Variants in WASHC4 observed in about 807,000 individuals in gnomAD.
WASHC4 encodes WASH complex subunit 7.
A neutral mutation model predicts 166.6 loss-of-function variants in WASHC4; 86 were observed. The ratio of observed to expected loss-of-function variants is 0.52; its 90% CI spans 0.43 to 0.62. WASHC4 has a LOEUF of 0.62. Among genes scored for constraint, WASHC4 ranks in the 20% least tolerant of loss-of-function variants. WASHC4 has a pLI of 0.00. For synonymous variants in WASHC4, 446 were observed against 451.6 expected (o/e 0.99, Z 0.16); for missense variants, 1,262 against 1,382.4 (o/e 0.91, Z 1.38).
Position 105,146,490 on chromosome 12 carries a change from A to G in WASHC4, c.2373A>G (p.Ile791Met). The G allele has an allele frequency of 6.2e-7, 1 of 1,603,944 alleles. No homozygotes were observed. The highest frequency in any genetic ancestry group is 8.5e-7 in the Non-Finnish European group (1 of 1,171,402). The change falls in exon 23 of 33, where the codon ATA (isoleucine) becomes ATG (methionine). Residue 791 changes from isoleucine (I) to methionine (M), a missense_variant. Coordinates refer to ENST00000332180, the MANE Select transcript of WASHC4 (RefSeq NM_015275.3). ...TAGAAATTATGAGAAACATTCATAT[A>G]TTTGTGTCCCGATACCTCTATAATC... is the stretch of plus-strand genomic sequence containing the variant. Reference protein sequence around the residue: ...DVLEIMRNIHIFVSRYLYNLN... With the variant: ...DVLEIMRNIHMFVSRYLYNLN...
chr12:105,140,831 A>G, intron 16 of WASHC4, 68 bp from the exon 17 acceptor site: 1 of 1,426,616 alleles, frequency 7.0e-7, no homozygotes, highest in Admixed American at 1.7e-5. Flanking sequence ...AAGATAATCA[A>G]GAAGTTTTTC....
At chr12:105,120,020 C>T (rs965282777) in intron 7 of WASHC4, among the ~76,000 whole-genome samples, 1 of 151,954 alleles carries the variant, frequency 6.6e-6, no homozygotes, top group Non-Finnish European at 1.5e-5. Context: ...TAGCTTGAGC[C>T]CAGGAGTTCG....
intron 1 of WASHC4, among the ~76,000 whole-genome samples, chr12:105,109,134 T>C (rs1214451339): frequency 6.6e-6 from 1 of 152,198 alleles, no homozygotes; most frequent in Non-Finnish European, 1.5e-5. Context: ...GTATTAGCTC[T>C]TATGCAGCAT....
At chr12:105,125,164 C>T (rs1448208370) in intron 10 of WASHC4, among the ~76,000 whole-genome samples, 1 of 152,094 alleles carries the variant, frequency 6.6e-6, no homozygotes, top group East Asian at 1.9e-4. Flanking sequence ...CGATTGATCT[C>T]AACTCTTGTT....
rs747482250 is a variant in WASHC4 at position 105,157,249 on chromosome 12, C to G, written c.2839C>G (p.Leu947Val). 6.5e-7 allele frequency: 1 copy of G among 1,529,276 alleles called. No individual in the cohort carries two copies. Among genetic ancestry groups the G allele is most frequent in the Non-Finnish European group, 9.0e-7 (1 of 1,105,788 alleles). 94.7% of individuals were successfully genotyped at this position (1,529,276 alleles called of 1,614,324 possible). A position where few individuals can be genotyped will look rare whatever the true frequency, so the allele number is the denominator to read the frequency against. The change falls in exon 28 of 33, where the codon CTT (leucine) becomes GTT (valine). Residue 947 changes from leucine to valine, a missense_variant. Physicochemically the swap from Leu to Val is conservative, Grantham distance 32 (BLOSUM62 1). Transcript: ENST00000332180. ...ATTCTTATGTAGATTTGTTCCTGAT[C>G]TTGAAGATATTGTAAATTTTGAAGA... is the stretch of plus-strand genomic sequence containing the variant. ...SSNAIRFVPDLEDIVNFEELV... is the reference protein window; with the variant it reads ...SSNAIRFVPDVEDIVNFEELV...
chr12:105,141,764 C>T (rs1181765990), intron 18 of WASHC4, among the ~76,000 whole-genome samples: 1 of 152,038 alleles, frequency 6.6e-6, no homozygotes, highest in Non-Finnish European at 1.5e-5. Context: ...TTTTGGTTTC[C>T]AGCTGAATTA....
At chr12:105,156,027 T>A (rs1355268146) in intron 26 of WASHC4, among the ~76,000 whole-genome samples, 1 of 152,126 alleles carries the variant, frequency 6.6e-6, no homozygotes, top group East Asian at 1.9e-4. Flanking sequence ...GGAGGATATC[T>A]ATGAAGGGGT....
chr12:105,111,038 T>A, intron 1 of WASHC4, 87 bp from the exon 2 acceptor site: 1 of 950,742 alleles, frequency 1.1e-6, no homozygotes, highest in Non-Finnish European at 1.7e-6. Context: ...TAACAGTGCT[T>A]TGCGTGACTT....
Position 105,168,467 on chromosome 12 carries a change from T to C in WASHC4, c.*1536T>C, listed in dbSNP as rs1475987015. 1.3e-5 allele frequency: 2 copies of C among 152,478 alleles called. No individual in the cohort carries two copies. Among genetic ancestry groups the C allele is most frequent in the South Asian group, 4.1e-4 (2 of 4,830 alleles). 9.4% of individuals were successfully genotyped at this position (152,478 alleles called of 1,614,324 possible). A position where few individuals can be genotyped will look rare whatever the true frequency, so the allele number is the denominator to read the frequency against. On this transcript the variant is annotated 3_prime_UTR_variant, in exon 33 of 33. Transcript: ENST00000332180. ...GTGTTTATATTAATGATCTTGCATT[T>C]GATTATATCAAATTCGTCATTTCAT... is the stretch of plus-strand genomic sequence containing the variant.
chr12:105,121,649 A>G (rs898123871), intron 9 of WASHC4, among the ~76,000 whole-genome samples: 23 of 152,134 alleles, frequency 1.5e-4, no homozygotes, highest in African/African-American at 4.6e-4. Flanking sequence ...CTGGGACTAC[A>G]GGCGTGTGCC....
At chr12:105,153,593 C>G (rs965882623) in intron 26 of WASHC4, among the ~76,000 whole-genome samples, 1 of 152,160 alleles carries the variant, frequency 6.6e-6, no homozygotes, top group East Asian at 1.9e-4. Flanking sequence ...CTGAGGAAAA[C>G]TCCAGGATGA....
Position 105,148,238 on chromosome 12 carries a change from A to C in WASHC4, c.2514+1092A>C, listed in dbSNP as rs139950121. 1,261 of 985,268 alleles carry C rather than the reference A, an allele frequency of 1.3e-3. 21 individuals are homozygous for C. The African/African-American group carries it at 0.021, about 16-fold the overall frequency. The allele number at this position is 985,268 out of a possible 1,614,324, so 61.0% of individuals were successfully genotyped here. Reference sequence around the variant, plus strand: ...TATCAATATAGAAATGAAACATACAATTTTAAATTCCAAATGAAGAGTCAT... The same window carrying C: ...TATCAATATAGAAATGAAACATACACTTTTAAATTCCAAATGAAGAGTCAT... On this transcript the variant is annotated intron_variant, in intron 24 of 32. Transcript: ENST00000332180.
chr12:105,168,242 C>G lies in WASHC4; in HGVS notation c.*1311C>G, dbSNP rs1351329610. On this transcript the variant is annotated 3_prime_UTR_variant, in exon 33 of 33. Transcript: ENST00000332180. Reference sequence around the variant, plus strand: ...TTAGGGTCAGGGTAACTTGCCAGCCCAAGATAAATACTTTAATTGTTAAAA... The same window carrying G: ...TTAGGGTCAGGGTAACTTGCCAGCCGAAGATAAATACTTTAATTGTTAAAA... The G allele has an allele frequency of 6.6e-6, 1 of 152,204 alleles. No individual in the cohort carries two copies. The highest frequency in any genetic ancestry group is 1.5e-5 in the Non-Finnish European group (1 of 67,884). 9.4% of individuals were successfully genotyped at this position (152,204 alleles called of 1,614,324 possible). A position where few individuals can be genotyped will look rare whatever the true frequency, so the allele number is the denominator to read the frequency against.
Position 105,164,739 on chromosome 12 carries a change from A to ACC in WASHC4, c.3453_3454insCC (p.Glu1152ProfsTer22). On this transcript the variant is annotated frameshift_variant and splice_region_variant, in exon 32 of 33. Transcript: ENST00000332180. LOFTEE classifies it high-confidence loss of function. ...AAAACCAAGAAAAGAAAGAGAAGGAAGGTCAGTGAGTGGTTTAAATTTGGA... is the reference window on the plus strand; with the variant it reads ...AAAACCAAGAAAAGAAAGAGAAGGAACCGGTCAGTGAGTGGTTTAAATTTGGA... 1 of 1,607,564 alleles carries ACC rather than the reference A, an allele frequency of 6.2e-7. No homozygotes were observed. The highest frequency in any genetic ancestry group is 8.5e-7 in the Non-Finnish European group (1 of 1,174,838).
intron 13 of WASHC4, among the ~76,000 whole-genome samples, chr12:105,131,434 G>A (rs1186203433): frequency 6.6e-6 from 1 of 152,232 alleles, no homozygotes; most frequent in Non-Finnish European, 1.5e-5. Flanking sequence ...ATCTGGATGT[G>A]ATCACAGAGT....
chr12:105,141,727 C>T lies in WASHC4; in HGVS notation c.1787+481C>T, dbSNP rs76162354. On this transcript the variant is annotated intron_variant, in intron 18 of 32. Coordinates refer to ENST00000332180, the MANE Select transcript of WASHC4 (RefSeq NM_015275.3). ...TCTTGTTTTCTTTTTGTTGAGTAAG[C>T]GTAAATTTCTTGAAGGGAAATTTGA... 3.2e-3 allele frequency among the ~76,000 whole-genome samples: 493 copies of T among 152,166 alleles called. 18 individuals are homozygous for T. In the East Asian group the frequency reaches 0.072, roughly 22 times the overall value.
At chr12:105,157,522 C>T (rs1046862243) in intron 28 of WASHC4, among the ~76,000 whole-genome samples, 200 bp downstream of exon 28, 3 of 152,206 alleles carry the variant, frequency 2.0e-5, no homozygotes, top group African/African-American at 4.8e-5. Flanking sequence ...ATTTCAGCCA[C>T]TAGCCACACA....
In WASHC4 at chr12:105,141,001, C is replaced by T. The variant is rs758382729; in HGVS notation, c.1663C>T (p.Arg555Trp). The T allele has an allele frequency of 4.3e-6, 7 of 1,614,030 alleles. No homozygotes were observed. Among genetic ancestry groups the T allele is most frequent in the South Asian group, 1.1e-5 (1 of 91,086 alleles). Residue 555 changes from arginine to tryptophan, a missense_variant, in exon 17 of 33, where the codon CGG becomes TGG. Transcript: ENST00000332180. ...TCTAAATGGACCAAGCACAAAGCAACGGCGACTTATTGTTTCTTTGGCACT... is the reference window on the plus strand; with the variant it reads ...TCTAAATGGACCAAGCACAAAGCAATGGCGACTTATTGTTTCTTTGGCACT... ...NTLNGPSTKQRRLIVSLALSV... is the reference protein window; with the variant it reads ...NTLNGPSTKQWRLIVSLALSV...
intron 26 of WASHC4, among the ~76,000 whole-genome samples, chr12:105,153,331 T>C (rs1207580117): frequency 6.6e-6 from 1 of 152,206 alleles, no homozygotes; most frequent in Admixed American, 6.5e-5. Flanking sequence ...AGACTTTAGG[T>C]TTACTAGTGG....
Sources: allele counts gnomAD v4.1 joint callset (sites outside exome capture counted in the v4.1 genomes callset), GRCh38; gene constraint gnomAD v4.1.1; transcripts MANE v1.5; gene names NCBI Gene and HGNC (gene_info 2026-07-23, HGNC 2026-07-21).